SEC23IP: variants seen among roughly 807,000 people sequenced by gnomAD.
SEC23IP encodes the protein SEC23-interacting protein.
SEC23IP carries 70 observed loss-of-function variants against 113.4 expected under a neutral mutation model. The observed-to-expected ratio is 0.62, with a 90% CI of 0.51 to 0.75. The LOEUF is 0.75. Ranked by LOEUF, SEC23IP falls within the 30% of genes least tolerant of loss-of-function variation. The probability of loss-of-function intolerance (pLI) is 0.00; values close to 1 mark genes in which losing one functional copy is unlikely to be tolerated. For synonymous variants in SEC23IP, 398 were observed against 421.0 expected, an observed-to-expected ratio of 0.95 and a Z score of 0.67; for missense variants, 1,160 against 1,204.9, an observed-to-expected ratio of 0.96 and a Z score of 0.55.
chr10:119,893,638 G>A (rs747989263), intron 1 of SEC23IP, among the ~76,000 whole-genome samples: 11 of 148,816 alleles, frequency 7.4e-5, no homozygotes, highest in Non-Finnish European at 1.3e-4. Context: ...TCCTGCCTCA[G>A]CCTCCCGAGT....
intron 12 of SEC23IP, among the ~76,000 whole-genome samples, chr10:119,924,576 G>A (rs959284134): frequency 2.6e-5 from 4 of 151,684 alleles, no homozygotes; most frequent in African/African-American, 4.8e-5. Context: ...GCGCCACCAT[G>A]CCCGGGTAAT....
rs1589815407 is a variant in SEC23IP, at chr10:119,892,771, T to G, written c.-12T>G. On this transcript the variant is annotated 5_prime_UTR_variant, in exon 1 of 19. Transcript: ENST00000369075. Reference sequence around the variant, plus strand: ...GTACCCGGAGACGTGTATCGGACGGTGGGCCGCAGCCATGGCCGAGAGAAA... The same window carrying G: ...GTACCCGGAGACGTGTATCGGACGGGGGGCCGCAGCCATGGCCGAGAGAAA... 6.2e-7 allele frequency: 1 copy of G among 1,600,182 alleles called. No individual in the cohort carries two copies.
At chr10:119,912,642 C>CT (rs760515822) in intron 6 of SEC23IP, among the ~76,000 whole-genome samples, 1,471 of 116,342 alleles carry the variant, frequency 0.013, 20 homozygotes, top group African/African-American at 0.035. Context: ...TTTTCTTTTT[C>CT]TTTTTTTTTT....
Position 119,919,509 on chromosome 10 carries a change from C to T in SEC23IP, c.1938C>T (p.Val646=). 5 of 1,613,414 alleles carry T rather than the reference C, an allele frequency of 3.1e-6. No individual in the cohort carries two copies. Among genetic ancestry groups the T allele is most frequent in the Middle Eastern group, 1.6e-4 (1 of 6,062 alleles). Residue 646 remains valine, a synonymous_variant, in exon 11 of 19, where the codon GTC becomes GTT. Transcript: ENST00000369075. ...ACCTTGTTGTTGAAAATAAAGAAGTCCTAACTTTGCAAGAAACTCTGGAAG... is the reference window on the plus strand; with the variant it reads ...ACCTTGTTGTTGAAAATAAAGAAGTTCTAACTTTGCAAGAAACTCTGGAAG... ...SYDLVVENKE[V]LTLQETLEAL...
intron 11 of SEC23IP, among the ~76,000 whole-genome samples, chr10:119,919,959 G>A (rs1386911249): frequency 6.6e-6 from 1 of 152,184 alleles, no homozygotes; most frequent in Non-Finnish European, 1.5e-5. Flanking sequence ...ATGTAAATAG[G>A]CAAAGAATAT....
intron 18 of SEC23IP, among the ~76,000 whole-genome samples, chr10:119,936,573 A>T (rs1029388940): frequency 1.9e-4 from 27 of 143,052 alleles, no homozygotes; most frequent in South Asian, 4.5e-4. Context: ...AAGCTTTTTG[A>T]TCCCTACATT....
intron 13 of SEC23IP, among the ~76,000 whole-genome samples, chr10:119,929,179 AG>A (rs1219559420): frequency 2.6e-5 from 4 of 152,234 alleles, no homozygotes; most frequent in Admixed American, 2.6e-4. Flanking sequence ...AATATGTAAA[AG>A]TATAGCCAGA....
At chr10:119,918,308 G>T in intron 9 of SEC23IP, 85 bp from the exon 10 acceptor site, 1 of 824,962 alleles carries the variant, frequency 1.2e-6, no homozygotes. Context: ...ACTTCTGTAT[G>T]ACTTTTGACT....
At chr10:119,897,936 C>T (rs563184549) in intron 1 of SEC23IP, among the ~76,000 whole-genome samples, 5 of 150,718 alleles carry the variant, frequency 3.3e-5, no homozygotes, top group South Asian at 2.1e-4. Context: ...ACCTGGGAGG[C>T]GGAGCTTGCA....
intron 12 of SEC23IP, among the ~76,000 whole-genome samples, chr10:119,922,829 C>T (rs1417830254): frequency 6.6e-6 from 1 of 152,018 alleles, no homozygotes; most frequent in Non-Finnish European, 1.5e-5. Context: ...TTCATCTCAC[C>T]TGAGCCTCAC....
At chr10:119,915,042 G>A (rs558565620) in intron 7 of SEC23IP, among the ~76,000 whole-genome samples, 2 of 152,312 alleles carry the variant, frequency 1.3e-5, no homozygotes, top group South Asian at 4.1e-4. Flanking sequence ...AAGGGATCTT[G>A]GAAGTAGTTT....
intron 12 of SEC23IP, among the ~76,000 whole-genome samples, chr10:119,923,015 A>G (rs890928719): frequency 7.2e-6 from 1 of 138,824 alleles, no homozygotes; most frequent in East Asian, 2.5e-4. Flanking sequence ...AAAAAAAAAC[A>G]AAAAAAACAA....
At position 119,919,594 on chromosome 10, in the gene SEC23IP, C is replaced by G; in HGVS notation, c.2023C>G (p.Leu675Val). 1 of 1,591,054 alleles carries G rather than the reference C, an allele frequency of 6.3e-7. No homozygotes were observed. The highest frequency in any genetic ancestry group is 8.5e-7 in the Non-Finnish European group (1 of 1,173,082). The change falls in exon 11 of 19, where the codon CTG becomes GTG. Residue 675 changes from leucine (L) to valine (V), a missense_variant and splice_region_variant. Leu to Val is a conservative substitution (Grantham distance 32, BLOSUM62 1). Transcript: ENST00000369075. ...AAAGGAAAAGATTGATATGGAGTCCCTGGTACTGATCATAGTTTGCTTCAT... is the reference window on the plus strand; with the variant it reads ...AAAGGAAAAGATTGATATGGAGTCCGTGGTACTGATCATAGTTTGCTTCAT... Reference protein sequence around the residue: ...FEKEKIDMESLLMCTVDDLKE... With the variant: ...FEKEKIDMESVLMCTVDDLKE...
At position 119,901,052 on chromosome 10, in the gene SEC23IP, G is replaced by T. The variant is rs1206319598; in HGVS notation, c.697-1747G>T. On this transcript the variant is annotated intron_variant, in intron 2 of 18. Transcript: ENST00000369075. ...TTTTTTTTTTTAAAGAGTGGGGGGGGGGTCTTGCTCTGTCATCCAGGGTGG... is the reference window on the plus strand; with the variant it reads ...TTTTTTTTTTTAAAGAGTGGGGGGGTGGTCTTGCTCTGTCATCCAGGGTGG... Among the ~76,000 whole-genome samples the T allele has an allele frequency of 1.2e-4, 17 of 139,918 alleles. No individual in the cohort carries two copies. The East Asian group carries it at 1.2e-3, about 10-fold the overall frequency. The allele number at this position is 139,918 out of a possible 152,430, so 91.8% of individuals were successfully genotyped here. A position where few individuals can be genotyped will look rare whatever the true frequency, so the allele number is the denominator to read the frequency against.
rs1384453524 is a variant in SEC23IP, at chr10:119,918,450, G to C, written c.1811G>C (p.Cys604Ser). 14 of 1,613,694 alleles carry C rather than the reference G, an allele frequency of 8.7e-6. No individual in the cohort carries two copies. Among genetic ancestry groups the C allele is most frequent in the Non-Finnish European group, 1.2e-5 (14 of 1,179,730 alleles). The change falls in exon 10 of 19, where the codon TGC becomes TCC. Residue 604 changes from cysteine (C) to serine (S), a missense_variant. Physicochemically the swap from Cys to Ser is moderately radical, Grantham distance 112. Coordinates refer to ENST00000369075, the MANE Select transcript of SEC23IP (RefSeq NM_007190.4). ...CAAAAAGATTTGAATTTATCAAAGT[G>C]CCCTGGACCTCTTGCTGTTGCTAAT... Reference protein sequence around the residue: ...SNQKDLNLSKCPGPLAVANGV... With the variant: ...SNQKDLNLSKSPGPLAVANGV...
chr10:119,893,413 T>A (rs1854163033), intron 1 of SEC23IP, among the ~76,000 whole-genome samples: 1 of 151,980 alleles, frequency 6.6e-6, no homozygotes, highest in African/African-American at 2.4e-5. Flanking sequence ...TACAGTACAA[T>A]ATCTTCTAGG....
intron 13 of SEC23IP, 33 bp from the exon 14 acceptor site, chr10:119,929,574 A>C: frequency 1.3e-6 from 2 of 1,585,670 alleles, no homozygotes; most frequent in Non-Finnish European, 8.6e-7. Flanking sequence ...ACATTGGAAC[A>C]ATCATCTTTC....
At chr10:119,922,465 G>A (rs1372956573) in intron 12 of SEC23IP, among the ~76,000 whole-genome samples, 2 of 152,136 alleles carry the variant, frequency 1.3e-5, no homozygotes, top group Non-Finnish European at 2.9e-5. Context: ...TCTATCACAA[G>A]TTATGATTTA....
Position 119,918,404 on chromosome 10 carries a change from T to A in SEC23IP, c.1765T>A (p.Leu589Met). The A allele has an allele frequency of 6.3e-7, 1 of 1,596,646 alleles. No individual in the cohort carries two copies. Among genetic ancestry groups the A allele is most frequent in the Non-Finnish European group, 8.6e-7 (1 of 1,164,626 alleles). ...TTTCTTTTTCATAGGTTCTTTAATA[T>A]TGTTTGACATCCTGTCTAATCAAAA... The part of the protein sequence containing the change: ...VAGHSLGSLI[L>M]FDILSNQKDL... The change falls in exon 10 of 19, where the codon TTG becomes ATG. Residue 589 changes from leucine (L) to methionine (M), a missense_variant. Leu to Met is a conservative substitution (Grantham distance 15). Coordinates refer to ENST00000369075, the MANE Select transcript of SEC23IP (RefSeq NM_007190.4).
Sources: allele counts gnomAD v4.1 joint callset (sites outside exome capture counted in the v4.1 genomes callset), GRCh38; gene constraint gnomAD v4.1.1; transcripts MANE v1.5; gene names NCBI Gene and HGNC (gene_info 2026-07-23, HGNC 2026-07-21).